Variants in LRP1B observed in about 807,000 individuals in gnomAD.
The protein encoded by LRP1B is low-density lipoprotein receptor-related protein 1B.
Under a neutral mutation model 556.6 loss-of-function variants are expected in LRP1B, and 217 were observed. The ratio of observed to expected loss-of-function variants is 0.39; its 90% CI spans 0.35 to 0.44. The LOEUF (loss-of-function observed/expected upper bound fraction) is 0.44. Among genes scored for constraint, LRP1B ranks in the 20% least tolerant of loss-of-function variants. The pLI is 1.00. For missense variants in LRP1B, 5,053 were observed against 5,620.8 expected (o/e 0.90, Z 3.23); for synonymous variants, 2,047 against 1,865.8 (o/e 1.10, Z -2.50).
intron 41 of LRP1B, among the ~76,000 whole-genome samples, chr2:140,654,749 C>T (rs751245516): frequency 3.0e-4 from 46 of 151,964 alleles, no homozygotes; most frequent in Non-Finnish European, 6.5e-4. Context: ...TCATAAGAGA[C>T]GAGAAGGGAT....
intron 3 of LRP1B, among the ~76,000 whole-genome samples, chr2:141,442,056 A>G (rs979774789): frequency 6.6e-6 from 1 of 152,208 alleles, no homozygotes; most frequent in African/African-American, 2.4e-5. Context: ...GGAAAAAGAC[A>G]TTACGAAAAT....
chr2:140,604,881 G>C (rs1320263428), intron 41 of LRP1B, among the ~76,000 whole-genome samples: 4 of 152,136 alleles, frequency 2.6e-5, no homozygotes, highest in South Asian at 2.1e-4. Flanking sequence ...CAGTTCCACT[G>C]CACACACCCT....
chr2:140,893,490 C>T (rs1249572292), intron 23 of LRP1B, among the ~76,000 whole-genome samples: 1 of 152,134 alleles, frequency 6.6e-6, no homozygotes, highest in African/African-American at 2.4e-5. Flanking sequence ...AAGTTCAAAA[C>T]CTTTGCCCTA....
chr2:140,787,756 G>A (rs1297244122), intron 32 of LRP1B, among the ~76,000 whole-genome samples: 2 of 151,348 alleles, frequency 1.3e-5, no homozygotes, highest in Non-Finnish European at 2.9e-5. Context: ...TTATTTTTCT[G>A]TGGGGTCAGG....
At chr2:141,589,994 C>T (rs904397094) in intron 2 of LRP1B, among the ~76,000 whole-genome samples, 1 of 152,218 alleles carries the variant, frequency 6.6e-6, no homozygotes, top group Admixed American at 6.5e-5. Flanking sequence ...AAAAGTATTG[C>T]CATTTTTCAT....
chr2:141,323,345 A>G (rs1474736823), intron 3 of LRP1B, among the ~76,000 whole-genome samples: 1 of 152,126 alleles, frequency 6.6e-6, no homozygotes, highest in East Asian at 1.9e-4. Context: ...ACAAACTCCG[A>G]AAGTCAGGTA....
chr2:141,268,342 C>T (rs1432708733), intron 3 of LRP1B, among the ~76,000 whole-genome samples: 1 of 152,104 alleles, frequency 6.6e-6, no homozygotes, highest in East Asian at 1.9e-4. Flanking sequence ...AAAAGCAGTA[C>T]ATTAGTGTTA....
intron 1 of LRP1B, among the ~76,000 whole-genome samples, chr2:142,019,835 T>A (rs1236730296): frequency 1.3e-5 from 2 of 152,194 alleles, no homozygotes; most frequent in African/African-American, 2.4e-5. Context: ...CTCCCTGGAA[T>A]GTGCTTCTCC....
intron 18 of LRP1B, among the ~76,000 whole-genome samples, chr2:140,959,147 G>T (rs1202042839): frequency 6.6e-6 from 1 of 150,998 alleles, no homozygotes; most frequent in East Asian, 1.9e-4. Context: ...AGTATTAGTA[G>T]ACTGAGTGGA....
intron 66 of LRP1B, among the ~76,000 whole-genome samples, chr2:140,416,423 A>G (rs962599249): frequency 3.3e-5 from 5 of 152,300 alleles, no homozygotes; most frequent in Admixed American, 6.5e-5. Context: ...GGGGAGGCTG[A>G]GGTGGGCAGA....
At chr2:140,516,814 A>C in intron 50 of LRP1B, 75 bp downstream of exon 50, 1 of 1,335,416 alleles carries the variant, frequency 7.5e-7, no homozygotes, top group Non-Finnish European at 1.0e-6. Context: ...TTTGTATAAA[A>C]TCCCTACATA....
At chr2:140,740,443 T>G (rs958378751) in intron 35 of LRP1B, among the ~76,000 whole-genome samples, 1 of 152,088 alleles carries the variant, frequency 6.6e-6, no homozygotes, top group Non-Finnish European at 1.5e-5. Flanking sequence ...CTCACTGGTA[T>G]GTGGGAGCTA....
chr2:141,363,411 A>G (rs943980342), intron 3 of LRP1B, among the ~76,000 whole-genome samples: 2 of 151,718 alleles, frequency 1.3e-5, no homozygotes, highest in African/African-American at 4.9e-5. Context: ...GTGTGTTTAT[A>G]TTTCTTAATG....
intron 7 of LRP1B, among the ~76,000 whole-genome samples, chr2:141,153,754 G>A (rs1701997201): frequency 6.6e-6 from 1 of 150,498 alleles, no homozygotes; most frequent in Non-Finnish European, 1.5e-5. Flanking sequence ...TCAAGATGCT[G>A]TTTGTATTGT....
intron 31 of LRP1B, among the ~76,000 whole-genome samples, chr2:140,839,715 G>C (rs1692038259): frequency 6.6e-6 from 1 of 152,114 alleles, no homozygotes; most frequent in East Asian, 1.9e-4. Flanking sequence ...TTTGCAGATG[G>C]CCTATTGTGG....
intron 3 of LRP1B, among the ~76,000 whole-genome samples, chr2:141,414,995 C>A (rs985363034): frequency 2.0e-5 from 3 of 151,954 alleles, no homozygotes; most frequent in Non-Finnish European, 4.4e-5. Context: ...CAGCTACACT[C>A]ATTTCTAATG....
rs937986993 is a variant in LRP1B, at chr2:140,588,853, G to A, written c.7194+9778C>T. The stretch of plus-strand genomic sequence containing the variant: ...ACACGCCTGTAGTCCCAGCTAACTC[G>A]GGAGGCTGAGGCAGGAGAATCTCTT... On this transcript the variant is annotated intron_variant, in intron 43 of 90. Transcript: ENST00000389484. Among the ~76,000 whole-genome samples the A allele has an allele frequency of 4.6e-5, 7 of 152,022 alleles. No individual in the cohort carries two copies. In the East Asian group the frequency reaches 1.2e-3, roughly 25 times the overall value.
chr2:140,590,731 G>C (rs1386731377), intron 43 of LRP1B, among the ~76,000 whole-genome samples: 4 of 152,036 alleles, frequency 2.6e-5, no homozygotes, highest in African/African-American at 7.2e-5. Flanking sequence ...CTAGAACTGT[G>C]AGAAAGTAAA....
intron 2 of LRP1B, among the ~76,000 whole-genome samples, chr2:141,495,233 C>T (rs1178434204): frequency 6.6e-6 from 1 of 152,108 alleles, no homozygotes; most frequent in Non-Finnish European, 1.5e-5. Flanking sequence ...ACGATAAATA[C>T]TGTTGTAGCA....
Sources: allele counts gnomAD v4.1 joint callset (sites outside exome capture counted in the v4.1 genomes callset), GRCh38; gene constraint gnomAD v4.1.1; transcripts MANE v1.5; gene names NCBI Gene and HGNC (gene_info 2026-07-23, HGNC 2026-07-21).